CRPPA: variants seen among roughly 807,000 people sequenced by gnomAD.
CRPPA encodes the protein CDP-L-ribitol pyrophosphorylase A, also known as D-ribitol-5-phosphate cytidylyltransferase.
CRPPA carries 43 observed loss-of-function variants against 52.0 expected under a neutral mutation model. The observed-to-expected ratio is 0.83, with a 90% CI of 0.65 to 1.07. The LOEUF is 1.07. CRPPA is among the 50% of genes least tolerant of loss of function. The pLI, the probability that CRPPA is intolerant of heterozygous loss-of-function variation, is 0.00. For missense variants in CRPPA, 629 were observed against 551.7 expected, an observed-to-expected ratio of 1.14 and a Z score of -1.40; for synonymous variants, 250 against 203.5, an observed-to-expected ratio of 1.23 and a Z score of -1.94.
chr7:16,141,938 C>A (rs1330480342), intron 9 of CRPPA, among the ~76,000 whole-genome samples: 1 of 152,014 alleles, frequency 6.6e-6, no homozygotes, highest in African/African-American at 2.4e-5. Context: ...GATGGCCCAC[C>A]CTCATGGCTG....
intron 1 of CRPPA, among the ~76,000 whole-genome samples, chr7:16,411,138 G>T (rs1788068350): frequency 1.3e-5 from 2 of 152,166 alleles, no homozygotes; most frequent in African/African-American, 4.8e-5. Flanking sequence ...GGCAATCAAT[G>T]TGTAGAATAT....
At chr7:16,327,050 GTT>G (rs1785412311) in intron 3 of CRPPA, among the ~76,000 whole-genome samples, 1 of 152,092 alleles carries the variant, frequency 6.6e-6, no homozygotes, top group Admixed American at 6.5e-5. Flanking sequence ...ATGCTAGCTC[GTT>G]TTTGCCACAA....
intron 3 of CRPPA, among the ~76,000 whole-genome samples, chr7:16,340,274 C>T (rs997011560): frequency 6.6e-6 from 1 of 151,970 alleles, no homozygotes; most frequent in South Asian, 2.1e-4. Flanking sequence ...TAAGTTTCTG[C>T]TCTGTAGAAG....
intron 6 of CRPPA, among the ~76,000 whole-genome samples, chr7:16,274,806 G>C (rs1784168026): frequency 6.6e-6 from 1 of 152,024 alleles, no homozygotes; most frequent in Admixed American, 6.6e-5. Flanking sequence ...AATTATAAAT[G>C]GCCAGGAGAG....
intron 2 of CRPPA, among the ~76,000 whole-genome samples, chr7:16,393,068 C>CTT (rs1397798557): frequency 6.6e-6 from 1 of 152,012 alleles, no homozygotes; most frequent in Admixed American, 6.6e-5. Context: ...ATTAGGAAGC[C>CTT]AACAACTATA....
At chr7:16,346,701 T>C (rs1454529671) in intron 3 of CRPPA, among the ~76,000 whole-genome samples, 1 of 152,130 alleles carries the variant, frequency 6.6e-6, no homozygotes, top group East Asian at 1.9e-4. Context: ...GTACTAATGT[T>C]TGGCTTTGTC....
chr7:16,273,469 G>A (rs982784466), intron 6 of CRPPA, among the ~76,000 whole-genome samples: 3 of 151,886 alleles, frequency 2.0e-5, no homozygotes, highest in Admixed American at 6.6e-5. Context: ...TCAGAAGGAC[G>A]GCTTGACGGT....
chr7:16,196,930 C>A (rs367566052), intron 9 of CRPPA, among the ~76,000 whole-genome samples: 4 of 151,994 alleles, frequency 2.6e-5, no homozygotes, highest in African/African-American at 9.7e-5. Context: ...AATAAGCAAA[C>A]CCTGTTGATT....
At chr7:16,256,469 T>C (rs764311687) in intron 8 of CRPPA, among the ~76,000 whole-genome samples, 24 of 152,104 alleles carry the variant, frequency 1.6e-4, no homozygotes, top group Non-Finnish European at 2.9e-4. Flanking sequence ...CACACGTATG[T>C]TTATTGCAGC....
chr7:16,090,348 A>G lies in CRPPA; in HGVS notation c.*1347T>C, dbSNP rs1376986077. The G allele has an allele frequency of 6.6e-6, 1 of 152,054 alleles. No homozygotes were observed. Among genetic ancestry groups the G allele is most frequent in the African/African-American group, 2.4e-5 (1 of 41,400 alleles). 9.4% of individuals were successfully genotyped at this position (152,054 alleles called of 1,614,324 possible). Reference sequence around the variant, plus strand: ...TTGTATAGTGTATCTTTAACTGAAAACACTTCATGCAACTTTTATAGTTTC... The same window carrying G: ...TTGTATAGTGTATCTTTAACTGAAAGCACTTCATGCAACTTTTATAGTTTC... On this transcript the variant is annotated 3_prime_UTR_variant, in exon 10 of 10. Transcript: ENST00000407010.
rs541069628 is a variant in CRPPA, at chr7:16,378,573, G to A, written c.535-2332C>T. Among the ~76,000 whole-genome samples the A allele has an allele frequency of 4.6e-5, 7 of 152,114 alleles. No individual in the cohort carries two copies. The East Asian group carries it at 1.4e-3, about 29-fold the overall frequency. ...GTGAATAGTGCCACAATAAACATAT[G>A]TGTGCATGTGTCTTTAGAGCAGCAT... On this transcript the variant is annotated intron_variant, in intron 2 of 9. Coordinates refer to ENST00000407010, the MANE Select transcript of CRPPA (RefSeq NM_001101426.4).
At chr7:16,125,129 G>A (rs1001233067) in intron 9 of CRPPA, among the ~76,000 whole-genome samples, 8 of 151,138 alleles carry the variant, frequency 5.3e-5, no homozygotes, top group Admixed American at 2.0e-4. Flanking sequence ...GCATGGTGGC[G>A]CACGCCTGCA....
intron 1 of CRPPA, among the ~76,000 whole-genome samples, chr7:16,419,743 C>G (rs1169936082): frequency 6.6e-6 from 1 of 152,046 alleles, no homozygotes; most frequent in Non-Finnish European, 1.5e-5. Flanking sequence ...ACATAGACCC[C>G]CTATGATTCC....
chr7:16,396,247 C>T (rs984980798), intron 2 of CRPPA, among the ~76,000 whole-genome samples: 4 of 152,172 alleles, frequency 2.6e-5, no homozygotes, highest in African/African-American at 9.7e-5. Flanking sequence ...ATATTGATTA[C>T]AATGGACAAG....
At chr7:16,290,600 A>G (rs1165627057) in intron 5 of CRPPA, among the ~76,000 whole-genome samples, 1 of 152,070 alleles carries the variant, frequency 6.6e-6, no homozygotes, top group East Asian at 1.9e-4. Flanking sequence ...CATGCAGAAG[A>G]AAGAAACTAA....
At chr7:16,306,676 CA>C (rs1386723411) in intron 4 of CRPPA, among the ~76,000 whole-genome samples, 3 of 152,092 alleles carry the variant, frequency 2.0e-5, no homozygotes, top group Non-Finnish European at 4.4e-5. Context: ...TCTTGGTCTT[CA>C]AATTAGGTCT....
intron 1 of CRPPA, among the ~76,000 whole-genome samples, chr7:16,412,168 T>C (rs1458351244): frequency 6.6e-6 from 1 of 152,188 alleles, no homozygotes; most frequent in Non-Finnish European, 1.5e-5. Context: ...TTCAAACAAT[T>C]GTATGAGACT....
intron 9 of CRPPA, among the ~76,000 whole-genome samples, chr7:16,184,455 C>G (rs562013877): frequency 1.6e-4 from 25 of 152,224 alleles, no homozygotes; most frequent in African/African-American, 6.0e-4. Context: ...ACCTGTCTGA[C>G]AAGTATCACA....
rs1784427707 is a variant in CRPPA, at chr7:16,286,038, AATATAAATATATATATATATATAT to A, written c.836-7836_836-7813del. 1.1e-4 allele frequency among the ~76,000 whole-genome samples: 2 copies of A among 17,504 alleles called. 1 individual carries two copies. Among genetic ancestry groups the A allele is most frequent in the African/African-American group, 7.5e-4 (2 of 2,656 alleles). The allele number at this position is 17,504 out of a possible 152,430, so 11.5% of individuals were successfully genotyped here. On this transcript the variant is annotated intron_variant, in intron 5 of 9. Coordinates refer to ENST00000407010, the MANE Select transcript of CRPPA (RefSeq NM_001101426.4). ...TCCATCTCAAAAAAAAAAAAAAAAA[AATATAAATATATATATATATATAT>A]ATATATATATATATATATAATATTT...
Sources: gnomAD v4.1 joint callset for allele counts (sites outside exome capture counted in the v4.1 genomes callset) on GRCh38, gnomAD v4.1.1 for gene constraint, MANE v1.5 for transcripts, NCBI Gene and HGNC (gene_info 2026-07-23, HGNC 2026-07-21) for gene names.